Variants in FAM89A observed in about 807,000 individuals in gnomAD.
The protein encoded by FAM89A is family with sequence similarity 89 member A, also known as protein FAM89A.
Under a neutral mutation model 7.1 loss-of-function variants are expected in FAM89A, and 10 were observed. The observed-to-expected ratio is 1.40, with a 90% CI of 0.86 to 2.38. The LOEUF (loss-of-function observed/expected upper bound fraction) is 2.38. Among genes scored for constraint, FAM89A ranks in the 30% most tolerant of loss-of-function variants. The probability of loss-of-function intolerance (pLI) is 0.00; values close to 1 mark genes in which losing one functional copy is unlikely to be tolerated. For synonymous variants in FAM89A, 157 were observed against 129.3 expected, an observed-to-expected ratio of 1.21 and a Z score of -1.45; for missense variants, 276 against 262.8, an observed-to-expected ratio of 1.05 and a Z score of -0.35.
At chr1:231,024,520 G>GCACACACACA (rs3220109) in intron 1 of FAM89A, among the ~76,000 whole-genome samples, 26,188 of 144,318 alleles carry the variant, frequency 0.18, 2,887 homozygotes, top group Non-Finnish European at 0.26. Flanking sequence ...TACATTGCAT[G>GCACACACACA]CACACACACA....
At chr1:231,033,934 C>T (rs914323181) in intron 1 of FAM89A, among the ~76,000 whole-genome samples, 2 of 152,150 alleles carry the variant, frequency 1.3e-5, no homozygotes, top group Admixed American at 6.5e-5. Flanking sequence ...AAGACATGGG[C>T]ATGCTTTCAT....
At chr1:231,026,741 T>C (rs1410374751) in intron 1 of FAM89A, 3 of 152,250 alleles carry the variant, frequency 2.0e-5, no homozygotes, top group African/African-American at 7.2e-5. Context: ...CCAGGATTCC[T>C]CTGCAGAATT....
chr1:231,023,087 A>G (rs2103070760), intron 1 of FAM89A, among the ~76,000 whole-genome samples: 1 of 152,260 alleles, frequency 6.6e-6, no homozygotes, highest in East Asian at 1.9e-4. Context: ...CCCCCCGTGT[A>G]GATACTGAGA....
At chr1:231,038,267 C>T (rs976928310) in intron 1 of FAM89A, among the ~76,000 whole-genome samples, 4 of 152,114 alleles carry the variant, frequency 2.6e-5, no homozygotes, top group Non-Finnish European at 4.4e-5. Flanking sequence ...TGGTCCAAGG[C>T]GTAATTATAC....
intron 1 of FAM89A, chr1:231,021,902 G>T: frequency 6.4e-7 from 1 of 1,556,146 alleles, no homozygotes; most frequent in East Asian, 2.2e-5. Flanking sequence ...CAGTGACGAT[G>T]AGTTGTTGTC....
intron 1 of FAM89A, among the ~76,000 whole-genome samples, chr1:231,027,371 C>T (rs1005272925): frequency 6.6e-6 from 1 of 152,144 alleles, no homozygotes; most frequent in Non-Finnish European, 1.5e-5. Context: ...AGGAATACAG[C>T]GCAGCCCCGC....
At chr1:231,031,129 AT>A (rs1409927242) in intron 1 of FAM89A, among the ~76,000 whole-genome samples, 1 of 152,028 alleles carries the variant, frequency 6.6e-6, no homozygotes, top group East Asian at 1.9e-4. Context: ...AATAATAATA[AT>A]AATAAACCTA....
At chr1:231,034,772 C>CAAA (rs60902378) in intron 1 of FAM89A, among the ~76,000 whole-genome samples, 2 of 70,854 alleles carry the variant, frequency 2.8e-5, no homozygotes, top group African/African-American at 1.1e-4. Flanking sequence ...AACTCTGTCT[C>CAAA]AAAAAAAAAA....
chr1:231,023,326 C>T (rs1412915012), intron 1 of FAM89A, among the ~76,000 whole-genome samples: 1 of 152,230 alleles, frequency 6.6e-6, no homozygotes, highest in African/African-American at 2.4e-5. Flanking sequence ...CTCTCCTTCA[C>T]TCCACAGGTA....
intron 1 of FAM89A, among the ~76,000 whole-genome samples, chr1:231,023,160 T>C (rs1572353820): frequency 6.6e-6 from 1 of 152,196 alleles, no homozygotes; most frequent in Admixed American, 6.5e-5. Flanking sequence ...CAGGTCACTG[T>C]TGCCCCATGT....
intron 1 of FAM89A, chr1:231,021,853 G>C: frequency 1.9e-6 from 3 of 1,595,730 alleles, no homozygotes; most frequent in Non-Finnish European, 2.6e-6. Flanking sequence ...GGAATGCTAG[G>C]AGGCTGCCCC....
In FAM89A at chr1:231,039,929, T is replaced by G. The variant is rs1680230017; in HGVS notation, c.283A>C (p.Lys95Gln). ...NLDAALALLR[K>Q]EMVGLRQLDM... Reference sequence around the variant, plus strand: ...CGCGGAGCCCCACTCACCATCTCTTTGCGGAGCAGCGCCAGAGCGGCGTCC... The same window carrying G: ...CGCGGAGCCCCACTCACCATCTCTTGGCGGAGCAGCGCCAGAGCGGCGTCC... Residue 95 changes from lysine to glutamine, a missense_variant, in exon 1 of 2, where the codon AAA becomes CAA. Physicochemically the swap from Lys to Gln is moderately conservative, Grantham distance 53. Coordinates refer to ENST00000366654, the MANE Select transcript of FAM89A (RefSeq NM_198552.3). The G allele has an allele frequency of 7.5e-7, 1 of 1,337,152 alleles. No individual in the cohort carries two copies. Among genetic ancestry groups the G allele is most frequent in the African/African-American group, 1.5e-5 (1 of 64,856 alleles). 82.8% of individuals were successfully genotyped at this position (1,337,152 alleles called of 1,614,324 possible).
chr1:231,023,477 T>C (rs556951889), intron 1 of FAM89A, among the ~76,000 whole-genome samples: 164 of 152,258 alleles, frequency 1.1e-3, no homozygotes, highest in African/African-American at 3.7e-3. Flanking sequence ...CTCAGAGGGC[T>C]TCAAGCAAAA....
chr1:231,035,312 CA>C (rs1242736366), intron 1 of FAM89A, among the ~76,000 whole-genome samples: 3 of 152,090 alleles, frequency 2.0e-5, no homozygotes, highest in Non-Finnish European at 2.9e-5. Flanking sequence ...TTTGGGAATT[CA>C]AAAGTTCTGT....
At chr1:231,022,497 G>A (rs1192123666) in intron 1 of FAM89A, among the ~76,000 whole-genome samples, 1 of 152,094 alleles carries the variant, frequency 6.6e-6, no homozygotes, top group African/African-American at 2.4e-5. Context: ...TTTTCCGTTT[G>A]GAAAGTTTGC....
At chr1:231,029,074 G>T (rs1055639924) in intron 1 of FAM89A, among the ~76,000 whole-genome samples, 16 of 152,178 alleles carry the variant, frequency 1.1e-4, no homozygotes, top group African/African-American at 2.7e-4. Context: ...TTAAAGCAAG[G>T]ACAATAGAAA....
intron 1 of FAM89A, among the ~76,000 whole-genome samples, chr1:231,025,369 G>A (rs1679952776): frequency 1.3e-5 from 2 of 152,158 alleles, no homozygotes; most frequent in African/African-American, 4.8e-5. Context: ...TAAAATGGGG[G>A]ATTTGGGCTC....
At position 231,040,226 on chromosome 1, in the gene FAM89A, G is replaced by A. The variant is rs1339353785; in HGVS notation, c.-15C>T. 1.9e-6 allele frequency: 2 copies of A among 1,043,318 alleles called. No individual in the cohort carries two copies. The highest frequency in any genetic ancestry group is 8.8e-5 in the East Asian group (1 of 11,414). The allele number at this position is 1,043,318 out of a possible 1,614,324, so 64.6% of individuals were successfully genotyped here. ...GCCCCACTCATCGCGCCGCGGCCCG[G>A]CCACGCGCCTGCCCCGCTGCAGCGA... On this transcript the variant is annotated 5_prime_UTR_variant, in exon 1 of 2. Transcript: ENST00000366654.
At chr1:231,038,898 C>A (rs749920126) in intron 1 of FAM89A, among the ~76,000 whole-genome samples, 2 of 152,136 alleles carry the variant, frequency 1.3e-5, no homozygotes, top group Non-Finnish European at 2.9e-5. Context: ...TGGGAAAAGG[C>A]AGCTTTCCTA....
Sources: allele counts gnomAD v4.1 joint callset (sites outside exome capture counted in the v4.1 genomes callset), GRCh38; gene constraint gnomAD v4.1.1; transcripts MANE v1.5; gene names NCBI Gene and HGNC (gene_info 2026-07-23, HGNC 2026-07-21).